The following ZNF583 variants were observed in gnomAD, a reference collection of about 807,000 sequenced individuals.
ZNF583 encodes zinc finger protein L3-5.
A neutral mutation model predicts 55.3 loss-of-function variants in ZNF583; 30 were observed. That is an observed-to-expected ratio of 0.54 (90% CI 0.41 to 0.74). The LOEUF (loss-of-function observed/expected upper bound fraction) is 0.74. Ranked by LOEUF, ZNF583 falls within the 30% of genes least tolerant of loss-of-function variation. ZNF583 has a pLI of 0.00. For missense variants in ZNF583, 504 were observed against 664.7 expected (o/e 0.76, Z 2.66); for synonymous variants, 208 against 220.0 (o/e 0.95, Z 0.48).
At chr19:56,413,208 C>T (rs1018069200) in intron 2 of ZNF583, among the ~76,000 whole-genome samples, 3 of 152,118 alleles carry the variant, frequency 2.0e-5, no homozygotes, top group Non-Finnish European at 2.9e-5. Context: ...GTAAAAAATA[C>T]GTGAGATACC....
Position 56,426,101 on chromosome 19 carries a change from A to G in ZNF583, c.*1733A>G, listed in dbSNP as rs947691875. 1.3e-5 allele frequency: 2 copies of G among 152,214 alleles called. No homozygotes were observed. The highest frequency in any genetic ancestry group is 4.8e-5 in the African/African-American group (2 of 41,456). 9.4% of individuals were successfully genotyped at this position (152,214 alleles called of 1,614,324 possible). A position where few individuals can be genotyped will look rare whatever the true frequency, so the allele number is the denominator to read the frequency against. On this transcript the variant is annotated 3_prime_UTR_variant, in exon 5 of 5. Coordinates refer to ENST00000333201, the MANE Select transcript of ZNF583 (RefSeq NM_152478.3). The stretch of plus-strand genomic sequence containing the variant: ...ACTGATGTCAGTAGCCCATGAATTA[A>G]TTTACAGATTCTACCTAACAAAATT...
chr19:56,422,796 C>A, intron 4 of ZNF583, 95 bp from the exon 5 acceptor site: 1 of 868,984 alleles, frequency 1.2e-6, no homozygotes. Flanking sequence ...CTTTTAAATC[C>A]TTTAACTTGT....
Position 56,423,223 on chromosome 19 carries a change from C to T in ZNF583, c.565C>T (p.Gln189Ter). 6.2e-7 allele frequency: 1 copy of T among 1,612,596 alleles called. No individual in the cohort carries two copies. The highest frequency in any genetic ancestry group is 8.5e-7 in the Non-Finnish European group (1 of 1,179,800). Reference sequence around the variant, plus strand: ...AGAAAAAGCACATAAGCATGAACCACAAAAGAAAAGTTACCGAAAAAAATC... The same window carrying T: ...AGAAAAAGCACATAAGCATGAACCATAAAAGAAAAGTTACCGAAAAAAATC... ...TKEKAHKHEP[Q>*]KKSYRKKSVE... The change falls in exon 5 of 5, where the codon CAA becomes TAA. Residue 189 changes from glutamine to a stop codon, truncating the protein, a stop_gained. Coordinates refer to ENST00000333201, the MANE Select transcript of ZNF583 (RefSeq NM_152478.3). LOFTEE classifies it high-confidence loss of function.
Position 56,424,184 on chromosome 19 carries a change from T to C in ZNF583, c.1526T>C (p.Leu509Pro). ...TTTAGCTATAGTGGATCTCTTACTC[T>C]ACATCAGAGAATTCATACTGGAGAA... is the stretch of plus-strand genomic sequence containing the variant. ...KAFSYSGSLT[L>P]HQRIHTGERP... The change falls in exon 5 of 5, where the codon CTA becomes CCA. Residue 509 changes from leucine to proline, a missense_variant. This residue lies in a region of ZNF583 where 237 missense variants were observed against 373.0 expected (regional missense o/e 0.64). Transcript: ENST00000333201. 1.9e-6 allele frequency: 3 copies of C among 1,611,942 alleles called. No individual in the cohort carries two copies. Among genetic ancestry groups the C allele is most frequent in the Non-Finnish European group, 2.5e-6 (3 of 1,178,492 alleles).
chr19:56,421,253 T>C (rs934641064), intron 4 of ZNF583, among the ~76,000 whole-genome samples: 3 of 152,216 alleles, frequency 2.0e-5, no homozygotes, highest in Non-Finnish European at 2.9e-5. Flanking sequence ...CCTGTAACGA[T>C]TATAATATCT....
In ZNF583 at chr19:56,414,095, T is replaced by C. The variant is rs780908315; in HGVS notation, c.136+10T>C. 6.3e-7 allele frequency: 1 copy of C among 1,575,672 alleles called. No homozygotes were observed. Among genetic ancestry groups the C allele is most frequent in the East Asian group, 2.2e-5 (1 of 44,726 alleles). On this transcript the variant is annotated intron_variant, in intron 3 of 4. Transcript: ENST00000333201. ...AGCTTGGTATCATTGGGTAAGGACA[T>C]GTCCCCTTAATTCAGAATCTGTACA... is the stretch of plus-strand genomic sequence containing the variant.
intron 2 of ZNF583, among the ~76,000 whole-genome samples, chr19:56,409,722 A>T (rs2042208804): frequency 1.3e-5 from 2 of 152,192 alleles, no homozygotes; most frequent in African/African-American, 4.8e-5. Context: ...GGCTAGTTTT[A>T]AAAAAGCTAG....
chr19:56,416,076 C>G (rs1469314193), intron 4 of ZNF583, among the ~76,000 whole-genome samples: 2 of 150,424 alleles, frequency 1.3e-5, no homozygotes, highest in Non-Finnish European at 3.0e-5. Context: ...ACCTGTAATC[C>G]CAGCACTTTG....
intron 2 of ZNF583, among the ~76,000 whole-genome samples, chr19:56,409,990 C>T (rs2147560938): frequency 6.6e-6 from 1 of 152,122 alleles, no homozygotes; most frequent in East Asian, 1.9e-4. Context: ...AGTAATCCTT[C>T]TTTCTTCTGT....
rs1424258831 is a variant in ZNF583, at chr19:56,426,938, T to A, written c.*2570T>A. On this transcript the variant is annotated 3_prime_UTR_variant, in exon 5 of 5. Coordinates refer to ENST00000333201, the MANE Select transcript of ZNF583 (RefSeq NM_152478.3). ...CACATAGAACAATGTAAATGATTCT[T>A]AAAAAAAAAAAAAAGGTGAGGCTTT... 2 of 143,196 alleles carry A rather than the reference T, an allele frequency of 1.4e-5. No individual in the cohort carries two copies. The highest frequency in any genetic ancestry group is 2.6e-5 in the African/African-American group (1 of 38,854). 8.9% of individuals were successfully genotyped at this position (143,196 alleles called of 1,614,324 possible). A position where few individuals can be genotyped will look rare whatever the true frequency, so the allele number is the denominator to read the frequency against.
At chr19:56,407,401 A>C (rs1215096722) in intron 2 of ZNF583, among the ~76,000 whole-genome samples, 2 of 152,234 alleles carry the variant, frequency 1.3e-5, no homozygotes, top group African/African-American at 4.8e-5. Context: ...ACTCATTGGC[A>C]TATGTAAACC....
intron 4 of ZNF583, among the ~76,000 whole-genome samples, chr19:56,418,484 AT>A (rs2042363446): frequency 6.6e-6 from 1 of 152,026 alleles, no homozygotes; most frequent in African/African-American, 2.4e-5. Context: ...ACTCTGTTAA[AT>A]TTTTTTTCCT....
chr19:56,422,311 T>C (rs1010425449), intron 4 of ZNF583, among the ~76,000 whole-genome samples: 2 of 152,332 alleles, frequency 1.3e-5, no homozygotes, highest in Middle Eastern at 3.4e-3. Flanking sequence ...ACTACTCTTA[T>C]ATGAAGGCAT....
intron 2 of ZNF583, among the ~76,000 whole-genome samples, chr19:56,410,791 T>C (rs1386241274): frequency 6.6e-6 from 1 of 152,162 alleles, no homozygotes; most frequent in Non-Finnish European, 1.5e-5. Context: ...GGCATAATTA[T>C]ACTGTATAAT....
chr19:56,409,808 G>A (rs554964488), intron 2 of ZNF583, among the ~76,000 whole-genome samples: 8 of 152,014 alleles, frequency 5.3e-5, no homozygotes, highest in African/African-American at 1.9e-4. Flanking sequence ...AAGCTACTGT[G>A]TTTCTGTTTG....
intron 4 of ZNF583, among the ~76,000 whole-genome samples, chr19:56,417,153 G>C (rs1260577697): frequency 1.3e-5 from 2 of 152,172 alleles, no homozygotes; most frequent in Non-Finnish European, 2.9e-5. Context: ...TTGCTATGCA[G>C]CTGTCATGTA....
intron 4 of ZNF583, among the ~76,000 whole-genome samples, chr19:56,417,874 C>T (rs1189443163): frequency 1.3e-5 from 2 of 152,014 alleles, no homozygotes; most frequent in East Asian, 3.8e-4. Context: ...ATACAGTTGC[C>T]CCAAGACCCT....
At chr19:56,411,542 G>C (rs533852204) in intron 2 of ZNF583, among the ~76,000 whole-genome samples, 2 of 152,290 alleles carry the variant, frequency 1.3e-5, no homozygotes, top group East Asian at 1.9e-4. Flanking sequence ...AAGCTGCTTC[G>C]CTAATGTCTA....
rs2042454888 is a variant in ZNF583 at position 56,423,571 on chromosome 19, T to G, written c.913T>G (p.Phe305Val). ...TCAGTGTAAAGAATGTAAAAAAGCC[T>G]TCAGCCAGATTGCACACCTGACTCA... ...PYQCKECKKA[F>V]SQIAHLTQHQ... Residue 305 changes from phenylalanine (F) to valine (V), a missense_variant, in exon 5 of 5, where the codon TTC (phenylalanine) becomes GTC (valine). Phe to Val is a conservative substitution (Grantham distance 50, BLOSUM62 -1). Transcript: ENST00000333201. 1.2e-6 allele frequency: 2 copies of G among 1,613,598 alleles called. No homozygotes were observed. The highest frequency in any genetic ancestry group is 1.7e-6 in the Non-Finnish European group (2 of 1,179,962).
Sources: gnomAD v4.1 joint callset for allele counts (sites outside exome capture counted in the v4.1 genomes callset) on GRCh38, gnomAD v4.1.1 for gene constraint, gnomAD v4.1.1 regional missense constraint, MANE v1.5 for transcripts, NCBI Gene and HGNC (gene_info 2026-07-23, HGNC 2026-07-21) for gene names.